YAP1: variants seen among roughly 807,000 people sequenced by gnomAD.
The protein encoded by YAP1 is Yes1 associated transcriptional regulator, also known as transcriptional coactivator YAP1.
YAP1 carries 5 observed loss-of-function variants against 56.9 expected under a neutral mutation model. That is an observed-to-expected ratio of 0.09 (90% CI 0.05 to 0.18). The LOEUF (loss-of-function observed/expected upper bound fraction) is 0.18, where lower values mean the gene tolerates loss of function less well. Ranked by LOEUF, YAP1 falls within the 10% of genes least tolerant of loss-of-function variation. The probability of loss-of-function intolerance (pLI) is 1.00; values close to 1 mark genes in which losing one functional copy is unlikely to be tolerated. For synonymous variants in YAP1, 265 were observed against 248.1 expected (o/e 1.07, Z -0.64); for missense variants, 539 against 651.8 (o/e 0.83, Z 1.88).
At chr11:102,121,783 AT>A (rs895048558) in intron 2 of YAP1, among the ~76,000 whole-genome samples, 1 of 151,974 alleles carries the variant, frequency 6.6e-6, no homozygotes, top group Non-Finnish European at 1.5e-5. Flanking sequence ...TTAATAAGGT[AT>A]ATTATTTTTT....
Position 102,118,219 on chromosome 11 carries a change from C to T in YAP1, c.572+3825C>T, listed in dbSNP as rs189811541. On this transcript the variant is annotated intron_variant, in intron 2 of 8. Coordinates refer to ENST00000282441, the MANE Select transcript of YAP1 (RefSeq NM_001130145.3). ...TAATTTTTAAAGCACAGTTTTGTTT[C>T]ATTTCCATTGTTTATCATTTTCTGA... Among the ~76,000 whole-genome samples, 134 of 152,238 alleles carry T rather than the reference C, an allele frequency of 8.8e-4. 1 individual carries two copies. The highest frequency in any genetic ancestry group is 3.4e-3 in the Middle Eastern group (1 of 294).
intron 5 of YAP1, among the ~76,000 whole-genome samples, chr11:102,209,270 T>C (rs1028142231): frequency 6.6e-6 from 1 of 152,152 alleles, no homozygotes; most frequent in Non-Finnish European, 1.5e-5. Flanking sequence ...CAATATCAAA[T>C]TTTATTTTTT....
At chr11:102,205,568 G>A (rs1374941831) in intron 4 of YAP1, among the ~76,000 whole-genome samples, 2 of 150,296 alleles carry the variant, frequency 1.3e-5, no homozygotes, top group Admixed American at 1.3e-4. Flanking sequence ...ATTCACCCCC[G>A]CTCCCTTCCC....
chr11:102,142,103 G>T, intron 2 of YAP1, among the ~76,000 whole-genome samples: 1 of 152,102 alleles, frequency 6.6e-6, no homozygotes, highest in East Asian at 1.9e-4. Context: ...TAATCCAGAA[G>T]ATTTAGTAAT....
chr11:102,224,041 T>C (rs1017763333), intron 7 of YAP1, among the ~76,000 whole-genome samples: 2 of 152,230 alleles, frequency 1.3e-5, no homozygotes. Flanking sequence ...TACAGAATCA[T>C]GAAGGAACAT....
chr11:102,218,619 A>C (rs572744729), intron 6 of YAP1, among the ~76,000 whole-genome samples: 1 of 152,168 alleles, frequency 6.6e-6, no homozygotes, highest in Admixed American at 6.5e-5. Flanking sequence ...TCTTTTTTTC[A>C]TTGATTCTTT....
At chr11:102,157,626 G>C (rs1946030625) in intron 2 of YAP1, among the ~76,000 whole-genome samples, 1 of 152,140 alleles carries the variant, frequency 6.6e-6, no homozygotes, top group Non-Finnish European at 1.5e-5. Flanking sequence ...AGATTGTTTA[G>C]TTGGTCATTT....
chr11:102,206,095 C>T, intron 5 of YAP1, 21 bp downstream of exon 5: 1 of 1,596,286 alleles, frequency 6.3e-7, no homozygotes, highest in Non-Finnish European at 8.6e-7. Context: ...AGGTTAGAAA[C>T]CAGCCTTCCA....
chr11:102,170,945 G>C (rs1946865470), intron 3 of YAP1, among the ~76,000 whole-genome samples: 1 of 148,520 alleles, frequency 6.7e-6, no homozygotes, highest in African/African-American at 2.5e-5. Context: ...CTTCAGCCTG[G>C]GATACAGCCA....
chr11:102,224,329 A>G (rs1442781981), intron 7 of YAP1, among the ~76,000 whole-genome samples: 1 of 152,222 alleles, frequency 6.6e-6, no homozygotes, highest in Non-Finnish European at 1.5e-5. Context: ...TGGGTTTCAG[A>G]CAGATTGCAA....
At chr11:102,185,740 A>C (rs960825821) in intron 3 of YAP1, among the ~76,000 whole-genome samples, 6 of 151,974 alleles carry the variant, frequency 3.9e-5, no homozygotes, top group Non-Finnish European at 8.8e-5. Flanking sequence ...AATAGTAATT[A>C]TTTGGGCCAT....
intron 2 of YAP1, among the ~76,000 whole-genome samples, chr11:102,150,641 A>G (rs2135344330): frequency 6.6e-6 from 1 of 152,244 alleles, no homozygotes; most frequent in East Asian, 1.9e-4. Flanking sequence ...AGCATTGTGT[A>G]TGGCTTACAG....
chr11:102,114,300 C>T lies in YAP1; in HGVS notation c.478C>T (p.Leu160Phe). The change falls in exon 2 of 9, where the codon CTT (leucine) becomes TTT (phenylalanine). Residue 160 changes from leucine (L) to phenylalanine (F), a missense_variant. Around this residue, in one of 4 missense-constraint regions of YAP1, gnomAD observed 414 missense variants for 512.4 expected, o/e 0.81. Transcript: ENST00000282441. ...AGCAGCTACACCCACAGCTCAGCAT[C>T]TTCGACAGTCTTCTTTTGAGATACC... ...GPAATPTAQHLRQSSFEIPDD... is the reference protein window; with the variant it reads ...GPAATPTAQHFRQSSFEIPDD... 6.2e-7 allele frequency: 1 copy of T among 1,614,158 alleles called. No homozygotes were observed. The highest frequency in any genetic ancestry group is 8.5e-7 in the Non-Finnish European group (1 of 1,180,024).
Position 102,112,415 on chromosome 11 carries a change from ATTTC to A in YAP1, c.321+1249_321+1252del, listed in dbSNP as rs1943000245. ...GGTTCTCTCTTTTTCTTTCTTTTTTATTTCTTCTTCTTTTTTTTTTTTTTTTTTT... is the reference window on the plus strand; with the variant it reads ...GGTTCTCTCTTTTTCTTTCTTTTTTATTCTTCTTTTTTTTTTTTTTTTTTT... On this transcript the variant is annotated intron_variant, in intron 1 of 8. Transcript: ENST00000282441. The A allele has an allele frequency of 7.5e-6, 7 of 929,262 alleles. No homozygotes were observed. The South Asian group carries it at 2.0e-4, about 27-fold the overall frequency. The allele number at this position is 929,262 out of a possible 1,614,324, so 57.6% of individuals were successfully genotyped here.
chr11:102,143,965 G>A (rs942149828), intron 2 of YAP1, among the ~76,000 whole-genome samples: 2 of 152,172 alleles, frequency 1.3e-5, no homozygotes, highest in African/African-American at 4.8e-5. Context: ...AAGATAAAGT[G>A]GCCTTCATCA....
intron 2 of YAP1, among the ~76,000 whole-genome samples, chr11:102,136,231 A>G (rs1053160909): frequency 6.6e-6 from 1 of 152,138 alleles, no homozygotes; most frequent in African/African-American, 2.4e-5. Flanking sequence ...TTTACTTTCT[A>G]AAGCACTTGC....
At chr11:102,124,928 G>A (rs1219465844) in intron 2 of YAP1, among the ~76,000 whole-genome samples, 3 of 152,090 alleles carry the variant, frequency 2.0e-5, no homozygotes, top group African/African-American at 7.2e-5. Flanking sequence ...GGTAGAAATG[G>A]GTTTCACCAT....
intron 3 of YAP1, among the ~76,000 whole-genome samples, chr11:102,180,866 G>A (rs950324618): frequency 2.0e-5 from 3 of 151,984 alleles, no homozygotes; most frequent in African/African-American, 7.3e-5. Context: ...GTAATTCTCG[G>A]TCGGGCATGG....
chr11:102,186,847 T>TGTGTGTGTGTGTGTGTGTGTGTGTG (rs1555013227), intron 4 of YAP1, among the ~76,000 whole-genome samples: 5 of 151,334 alleles, frequency 3.3e-5, no homozygotes, highest in African/African-American at 7.3e-5. Flanking sequence ...TGTGTGTGTG[T>TGTGTGTGTGTGTGTGTGTGTGTGTG]TTTAAACTGT....
Sources: allele counts gnomAD v4.1 joint callset (sites outside exome capture counted in the v4.1 genomes callset), GRCh38; gene constraint gnomAD v4.1.1; regional missense constraint gnomAD v4.1.1; transcripts MANE v1.5; gene names NCBI Gene and HGNC (gene_info 2026-07-23, HGNC 2026-07-21).